Variants in STK32C observed in about 807,000 individuals in gnomAD.
STK32C encodes the protein serine/threonine-protein kinase 32C.
STK32C carries 31 observed loss-of-function variants against 56.5 expected under a neutral mutation model. The observed-to-expected ratio is 0.55, with a 90% confidence interval of 0.41 to 0.74. The LOEUF is 0.74. Ranked by LOEUF, STK32C falls within the 30% of genes least tolerant of loss-of-function variation. STK32C has a pLI of 0.00. For synonymous variants in STK32C, 309 were observed against 289.4 expected, an observed-to-expected ratio of 1.07 and a Z score of -0.69; for missense variants, 544 against 676.9, an observed-to-expected ratio of 0.80 and a Z score of 2.18.
chr10:132,327,702 C>T (rs886131143), intron 1 of STK32C, among the ~76,000 whole-genome samples: 1 of 152,132 alleles, frequency 6.6e-6, no homozygotes, highest in Non-Finnish European at 1.5e-5. Context: ...GTCTCAAACT[C>T]CTGACCTCAG....
At chr10:132,279,108 C>T (rs1286040027) in intron 1 of STK32C, among the ~76,000 whole-genome samples, 2 of 152,160 alleles carry the variant, frequency 1.3e-5, no homozygotes, top group Non-Finnish European at 2.9e-5. Flanking sequence ...CAACAGTGAT[C>T]AATAGTCCAG....
intron 1 of STK32C, among the ~76,000 whole-genome samples, chr10:132,262,247 A>G (rs2064327494): frequency 6.6e-6 from 1 of 152,226 alleles, no homozygotes; most frequent in South Asian, 2.1e-4. Context: ...CCACATGAGG[A>G]AGAATGAAGC....
At chr10:132,292,034 C>T (rs2065581079) in intron 1 of STK32C, among the ~76,000 whole-genome samples, 1 of 152,172 alleles carries the variant, frequency 6.6e-6, no homozygotes, top group Non-Finnish European at 1.5e-5. Context: ...TGGAGGCTTC[C>T]CCTGCAGGGG....
intron 1 of STK32C, among the ~76,000 whole-genome samples, chr10:132,305,006 A>G (rs1206246286): frequency 6.6e-6 from 1 of 152,254 alleles, no homozygotes; most frequent in Non-Finnish European, 1.5e-5. Context: ...GCCTCCTCTC[A>G]GGTTCACTTG....
chr10:132,284,382 T>TGG (rs1161653471), intron 1 of STK32C, among the ~76,000 whole-genome samples: 1 of 8,464 alleles, frequency 1.2e-4, no homozygotes, highest in Non-Finnish European at 2.1e-4. Context: ...CAGGTGAGGT[T>TGG]GGGGGGGCAG....
intron 1 of STK32C, among the ~76,000 whole-genome samples, chr10:132,260,127 G>A (rs781069436): frequency 2.0e-5 from 3 of 151,986 alleles, no homozygotes; most frequent in Non-Finnish European, 4.4e-5. Flanking sequence ...ACCTGGCTCA[G>A]GGACCCTGGA....
intron 2 of STK32C, among the ~76,000 whole-genome samples, chr10:132,228,355 G>GT (rs1273569743): frequency 6.6e-6 from 1 of 152,152 alleles, no homozygotes. Flanking sequence ...TTTGGAGGCC[G>GT]TGATTCTGCC....
At chr10:132,236,371 C>T (rs960133664) in intron 2 of STK32C, among the ~76,000 whole-genome samples, 3 of 152,234 alleles carry the variant, frequency 2.0e-5, no homozygotes, top group South Asian at 2.1e-4. Context: ...GGGGGTGACC[C>T]GATGGGGTGG....
intron 1 of STK32C, among the ~76,000 whole-genome samples, chr10:132,247,145 G>C (rs1044405954): frequency 2.6e-5 from 4 of 152,210 alleles, no homozygotes; most frequent in Non-Finnish European, 5.9e-5. Flanking sequence ...GGTAGGTACT[G>C]ACCCCTCCTG....
chr10:132,222,083 G>GAGCA, intron 10 of STK32C, among the ~76,000 whole-genome samples: 1 of 142,902 alleles, frequency 7.0e-6, no homozygotes, highest in Non-Finnish European at 1.5e-5. Flanking sequence ...CTGGGCGAGT[G>GAGCA]TGAGGGCTTC....
intron 2 of STK32C, among the ~76,000 whole-genome samples, chr10:132,235,269 G>A (rs951061192): frequency 7.9e-5 from 12 of 152,020 alleles, no homozygotes; most frequent in South Asian, 2.1e-4. Context: ...AGGCGGAGGC[G>A]GGCAGATCAC....
At position 132,249,036 on chromosome 10, in the gene STK32C, AGCCTCCCGACTGTGCGACGGAG is replaced by A. The variant is rs546839255; in HGVS notation, c.263-3103_263-3082del. ...TCACCTGCGCCCTGCACACCTGCAAAGCCTCCCGACTGTGCGACGGAGGCGGCGGCTCCGGCAGAGGCTCCCA... is the reference window on the plus strand; with the variant it reads ...TCACCTGCGCCCTGCACACCTGCAAAGCGGCGGCTCCGGCAGAGGCTCCCA... On this transcript the variant is annotated intron_variant, in intron 1 of 11. Coordinates refer to ENST00000298630, the MANE Select transcript of STK32C (RefSeq NM_173575.4). The A allele has an allele frequency of 2.1e-3, 1,012 of 475,154 alleles. 16 individuals are homozygous for A. Among genetic ancestry groups the A allele is most frequent in the South Asian group, 0.015 (970 of 65,472 alleles). The allele number at this position is 475,154 out of a possible 1,614,324, so 29.4% of individuals were successfully genotyped here.
intron 1 of STK32C, among the ~76,000 whole-genome samples, chr10:132,267,302 G>A (rs11146289): frequency 0.21 from 31,986 of 152,192 alleles, 4,163 homozygotes; most frequent in Non-Finnish European, 0.31. Flanking sequence ...CTTGTATTCT[G>A]GAGGCCTGGA....
chr10:132,253,881 T>A lies in STK32C; in HGVS notation c.263-7926A>T, dbSNP rs552262393. Among the ~76,000 whole-genome samples, 9 of 152,346 alleles carry A rather than the reference T, an allele frequency of 5.9e-5. No homozygotes were observed. In the East Asian group the frequency reaches 1.7e-3, roughly 29 times the overall value. ...CCCGTGTGCCTGGCTAGAACCTTCC[T>A]CCCGCCCTGCAGGGACCCGCCTCTG... On this transcript the variant is annotated intron_variant, in intron 1 of 11. Transcript: ENST00000298630.
At chr10:132,259,528 G>A (rs962354169) in intron 1 of STK32C, among the ~76,000 whole-genome samples, 1 of 152,136 alleles carries the variant, frequency 6.6e-6, no homozygotes, top group African/African-American at 2.4e-5. Context: ...TCTCGTGATA[G>A]TGAGTTCTCA....
chr10:132,267,998 TG>T (rs2064636867), intron 1 of STK32C, among the ~76,000 whole-genome samples: 2 of 146,710 alleles, frequency 1.4e-5, no homozygotes, highest in African/African-American at 2.5e-5. Flanking sequence ...TGTGTGTGTG[TG>T]TCGGTGTGTG....
chr10:132,312,240 C>T (rs1215902040), upstream of STK32C, among the ~76,000 whole-genome samples: 3 of 152,062 alleles, frequency 2.0e-5, no homozygotes, highest in South Asian at 4.1e-4. Context: ...AACTTTGGGG[C>T]TCAAGAAATC....
chr10:132,241,477 A>G (rs981077304), intron 2 of STK32C, among the ~76,000 whole-genome samples: 1 of 152,256 alleles, frequency 6.6e-6, no homozygotes, highest in Admixed American at 6.5e-5. Flanking sequence ...ATCAAGATGA[A>G]AAAGCAGACG....
chr10:132,324,250 G>C lies in STK32C; in HGVS notation c.425C>G (p.Ser142Ter). ...AACAATTCATTACACACCCCCTCTT[G>C]ATGGGCCACAGAACACACCCCCAGC... Residue 142 changes from serine to a stop codon, truncating the protein, a stop_gained, in exon 2 of 2, where the codon TCA (serine) becomes TGA (stop). Transcript: ENST00000368619. LOFTEE classifies it high-confidence loss of function. 1 of 779,758 alleles carries C rather than the reference G, an allele frequency of 1.3e-6. No individual in the cohort carries two copies. Among genetic ancestry groups the C allele is most frequent in the South Asian group, 1.3e-5 (1 of 74,620 alleles). 48.3% of individuals were successfully genotyped at this position (779,758 alleles called of 1,614,324 possible).
Sources: gnomAD v4.1 joint callset for allele counts (sites outside exome capture counted in the v4.1 genomes callset) on GRCh38, gnomAD v4.1.1 for gene constraint, MANE v1.5 for transcripts, NCBI Gene and HGNC (gene_info 2026-07-23, HGNC 2026-07-21) for gene names.